LURAP1L: variants seen among roughly 807,000 people sequenced by gnomAD.
LURAP1L encodes leucine rich adaptor protein 1-like.
A neutral mutation model predicts 13.8 loss-of-function variants in LURAP1L; 12 were observed. The observed-to-expected ratio is 0.87, with a 90% CI of 0.56 to 1.41. The LOEUF is 1.41. Among genes scored for constraint, LURAP1L ranks in the 40% most tolerant of loss-of-function variants. The pLI is 0.00. For missense variants in LURAP1L, 375 were observed against 292.9 expected (o/e 1.28, Z -2.04); for synonymous variants, 139 against 119.2 (o/e 1.17, Z -1.08).
chr9:12,813,468 T>C (rs1777548253), intron 1 of LURAP1L, among the ~76,000 whole-genome samples: 1 of 152,184 alleles, frequency 6.6e-6, no homozygotes, highest in Non-Finnish European at 1.5e-5. Context: ...AAGGACATTC[T>C]ATAGACAGAT....
At chr9:12,791,037 G>A (rs957401074) in intron 1 of LURAP1L, among the ~76,000 whole-genome samples, 3 of 152,090 alleles carry the variant, frequency 2.0e-5, no homozygotes, top group African/African-American at 7.2e-5. Context: ...ACAGCCCTCA[G>A]TATAGACTTG....
chr9:12,816,968 T>G (rs1473980054), intron 1 of LURAP1L, among the ~76,000 whole-genome samples: 1 of 152,212 alleles, frequency 6.6e-6, no homozygotes. Flanking sequence ...TCAGTTCATT[T>G]TGCCAAGTGT....
At chr9:12,785,177 C>T (rs529687007) in intron 1 of LURAP1L, among the ~76,000 whole-genome samples, 34 of 152,104 alleles carry the variant, frequency 2.2e-4, no homozygotes, top group Non-Finnish European at 3.8e-4. Flanking sequence ...TAGGGCCTGG[C>T]ATGGGGGCTT....
At chr9:12,788,188 A>AAAGAAAGAAAGAAAGAAAGG (rs1563889123) in intron 1 of LURAP1L, among the ~76,000 whole-genome samples, 1 of 131,330 alleles carries the variant, frequency 7.6e-6, no homozygotes, top group African/African-American at 3.1e-5. Context: ...AGAAAGAAAG[A>AAAGAAAGAAAGAAAGAAAGG]AAGAAAAGAA....
intron 1 of LURAP1L, among the ~76,000 whole-genome samples, chr9:12,816,384 A>G (rs567544648): frequency 5.8e-4 from 88 of 152,158 alleles, no homozygotes; most frequent in Non-Finnish European, 9.4e-4. Flanking sequence ...TTCTTCATGT[A>G]TAAGGAAACT....
intron 1 of LURAP1L, among the ~76,000 whole-genome samples, chr9:12,819,608 G>C (rs868622724): frequency 7.2e-5 from 11 of 152,186 alleles, no homozygotes; most frequent in African/African-American, 2.2e-4. Flanking sequence ...GAATTAGCAT[G>C]ACCCAGACTT....
rs999869186 is a variant in LURAP1L, at chr9:12,775,556, A to G, written c.-160A>G. 18 of 1,230,564 alleles carry G rather than the reference A, an allele frequency of 1.5e-5. No individual in the cohort carries two copies. The highest frequency in any genetic ancestry group is 2.9e-4 in the Middle Eastern group (1 of 3,496). The allele number at this position is 1,230,564 out of a possible 1,614,324, so 76.2% of individuals were successfully genotyped here. On this transcript the variant is annotated 5_prime_UTR_variant, in exon 1 of 2. Transcript: ENST00000319264. ...GCGTCCTGTGCGGATTTCAGGGCTG[A>G]TACCGCATAGGCGGTTATGGAAAGG...
chr9:12,805,933 C>A (rs191539522), intron 1 of LURAP1L, among the ~76,000 whole-genome samples: 1 of 151,776 alleles, frequency 6.6e-6, no homozygotes, highest in African/African-American at 2.4e-5. Context: ...AGATCAGGAG[C>A]GACAATGAAA....
chr9:12,785,862 G>C (rs936195031), intron 1 of LURAP1L, among the ~76,000 whole-genome samples: 5 of 152,108 alleles, frequency 3.3e-5, no homozygotes, highest in African/African-American at 1.2e-4. Context: ...TCTTATGAAG[G>C]TACTTTCTTG....
intron 1 of LURAP1L, among the ~76,000 whole-genome samples, chr9:12,780,747 T>A (rs983949538): frequency 2.1e-4 from 32 of 151,662 alleles, no homozygotes; most frequent in African/African-American, 5.6e-4. Flanking sequence ...TTCTTTTTTT[T>A]AAAAAAAATA....
intron 1 of LURAP1L, among the ~76,000 whole-genome samples, chr9:12,802,347 G>T (rs927280262): frequency 5.3e-5 from 8 of 152,214 alleles, no homozygotes; most frequent in African/African-American, 1.9e-4. Context: ...TCATGGTGGT[G>T]ATTCCTCATG....
chr9:12,796,736 T>G (rs1819516274), intron 1 of LURAP1L, among the ~76,000 whole-genome samples: 1 of 151,960 alleles, frequency 6.6e-6, no homozygotes, highest in Non-Finnish European at 1.5e-5. Context: ...TACTGAGCTC[T>G]CACATAGAGG....
intron 1 of LURAP1L, among the ~76,000 whole-genome samples, chr9:12,819,040 G>C (rs1341875412): frequency 6.6e-6 from 1 of 152,052 alleles, no homozygotes; most frequent in Admixed American, 6.5e-5. Context: ...TAGGGTGTGC[G>C]GAGGAATTTA....
At chr9:12,793,027 G>T (rs936988858) in intron 1 of LURAP1L, among the ~76,000 whole-genome samples, 3 of 151,898 alleles carry the variant, frequency 2.0e-5, no homozygotes, top group African/African-American at 7.2e-5. Context: ...CTGGAAAAAC[G>T]AACTAGAACA....
At chr9:12,788,318 T>C (rs1819391759) in intron 1 of LURAP1L, among the ~76,000 whole-genome samples, 1 of 152,130 alleles carries the variant, frequency 6.6e-6, no homozygotes, top group African/African-American at 2.4e-5. Flanking sequence ...TTGGCAAGGA[T>C]GGAGATAAAT....
At chr9:12,782,510 T>C (rs1425817611) in intron 1 of LURAP1L, among the ~76,000 whole-genome samples, 1 of 152,216 alleles carries the variant, frequency 6.6e-6, no homozygotes, top group Non-Finnish European at 1.5e-5. Context: ...TTCTCCAGTG[T>C]ATGTTCTTGG....
At chr9:12,776,596 C>G (rs1192679041) in intron 1 of LURAP1L, among the ~76,000 whole-genome samples, 2 of 152,056 alleles carry the variant, frequency 1.3e-5, no homozygotes, top group Non-Finnish European at 2.9e-5. Flanking sequence ...CACTGTCGAG[C>G]AGATTCTCCA....
At chr9:12,779,555 C>T (rs1341746456) in intron 1 of LURAP1L, among the ~76,000 whole-genome samples, 1 of 152,122 alleles carries the variant, frequency 6.6e-6, no homozygotes, top group Admixed American at 6.5e-5. Flanking sequence ...CAGGCGTGAG[C>T]CACCGTGTAC....
At chr9:12,801,048 T>A (rs1020433246) in intron 1 of LURAP1L, among the ~76,000 whole-genome samples, 4 of 152,164 alleles carry the variant, frequency 2.6e-5, no homozygotes, top group African/African-American at 9.7e-5. Context: ...TTAATTATGA[T>A]ACCTAGGTAT....
Sources: gnomAD v4.1 joint callset for allele counts (sites outside exome capture counted in the v4.1 genomes callset) on GRCh38, gnomAD v4.1.1 for gene constraint, MANE v1.5 for transcripts, NCBI Gene and HGNC (gene_info 2026-07-23, HGNC 2026-07-21) for gene names.